FHIT: variants seen among roughly 807,000 people sequenced by gnomAD.
FHIT encodes bis(5'-adenosyl)-triphosphatase.
Under a neutral mutation model 17.9 loss-of-function variants are expected in FHIT, and 19 were observed. That is an observed-to-expected ratio of 1.06 (90% CI 0.74 to 1.56). FHIT has a LOEUF of 1.56. Ranked by LOEUF, FHIT falls within the 40% of genes most tolerant of loss-of-function variation. The pLI, the probability that FHIT is intolerant of heterozygous loss-of-function variation, is 0.00. For missense variants in FHIT, 248 were observed against 189.2 expected (o/e 1.31, Z -1.82); for synonymous variants, 81 against 69.7 (o/e 1.16, Z -0.81).
At chr3:60,465,970 T>C (rs2032767200) in intron 5 of FHIT, among the ~76,000 whole-genome samples, 1 of 152,078 alleles carries the variant, frequency 6.6e-6, no homozygotes, top group Non-Finnish European at 1.5e-5. Flanking sequence ...TGCAGATTGC[T>C]TTGGATAGAA....
At chr3:59,868,050 A>T (rs1422967237) in intron 8 of FHIT, among the ~76,000 whole-genome samples, 2 of 146,992 alleles carry the variant, frequency 1.4e-5, no homozygotes, top group African/African-American at 5.0e-5. Context: ...TTTTTTTTAA[A>T]AAAAAAAAAA....
intron 8 of FHIT, among the ~76,000 whole-genome samples, chr3:59,828,770 C>T (rs541937929): frequency 6.6e-5 from 10 of 151,898 alleles, no homozygotes; most frequent in East Asian, 1.9e-4. Context: ...TTTACAAGTA[C>T]ACAGTTTGTT....
chr3:60,166,016 A>C lies in FHIT; in HGVS notation c.104-151864T>G, dbSNP rs10049212. On this transcript the variant is annotated intron_variant, in intron 5 of 9. Coordinates refer to ENST00000492590, the MANE Select transcript of FHIT (RefSeq NM_002012.4). The stretch of plus-strand genomic sequence containing the variant: ...CTGTTCCATAAAAACTCACTTTATA[A>C]ACACAAAAGGCCAATTTTTCTCACA... 3.0e-3 allele frequency among the ~76,000 whole-genome samples: 459 copies of C among 152,240 alleles called. 1 individual carries two copies. Among genetic ancestry groups the C allele is most frequent in the African/African-American group, 9.2e-3 (383 of 41,554 alleles).
intron 4 of FHIT, among the ~76,000 whole-genome samples, chr3:60,596,845 A>C (rs2038287679): frequency 6.6e-6 from 1 of 152,166 alleles, no homozygotes; most frequent in African/African-American, 2.4e-5. Flanking sequence ...ATGAGAGTTA[A>C]ATTAAATGAA....
chr3:60,648,809 A>C (rs2039924336), intron 4 of FHIT, among the ~76,000 whole-genome samples: 1 of 152,116 alleles, frequency 6.6e-6, no homozygotes, highest in African/African-American at 2.4e-5. Context: ...CGCCTGCCTT[A>C]AGCCAGAGAC....
chr3:60,749,483 G>A lies in FHIT; in HGVS notation c.-18+72436C>T, dbSNP rs77448845. The stretch of plus-strand genomic sequence containing the variant: ...AAAGGGTGGATTCAAGCCCTACTGT[G>A]AGAGAAGACACCAACAGCCCCTAAC... On this transcript the variant is annotated intron_variant, in intron 4 of 9. Transcript: ENST00000492590. Among the ~76,000 whole-genome samples the A allele has an allele frequency of 4.0e-3, 613 of 152,248 alleles. 30 individuals carry two copies. In the East Asian group the frequency reaches 0.098, roughly 24 times the overall value.
Position 61,100,952 on chromosome 3 carries a change from G to A in FHIT, c.-163-58853C>T, listed in dbSNP as rs143490987. Among the ~76,000 whole-genome samples the A allele has an allele frequency of 4.5e-3, 689 of 152,252 alleles. 6 individuals carry two copies. The highest frequency in any genetic ancestry group is 0.016 in the African/African-American group (659 of 41,528). On this transcript the variant is annotated intron_variant, in intron 2 of 9. Transcript: ENST00000492590. ...TTGTTTGAGTTCTTTGTAGATTCTG[G>A]ATATTAGCCCTTTGTCAGATGAATA...
chr3:60,554,475 G>A (rs897375322), intron 4 of FHIT, among the ~76,000 whole-genome samples: 1 of 152,060 alleles, frequency 6.6e-6, no homozygotes, highest in African/African-American at 2.4e-5. Flanking sequence ...CATCTCCATG[G>A]ACTGTATGAA....
chr3:60,375,152 G>C (rs572151041), intron 5 of FHIT, among the ~76,000 whole-genome samples: 1 of 151,432 alleles, frequency 6.6e-6, no homozygotes, highest in African/African-American at 2.4e-5. Flanking sequence ...TTTCACGGTA[G>C]CAATTTTTAA....
At chr3:61,091,712 C>A (rs1316070761) in intron 2 of FHIT, among the ~76,000 whole-genome samples, 1 of 151,840 alleles carries the variant, frequency 6.6e-6, no homozygotes, top group African/African-American at 2.4e-5. Context: ...CTTTGGGAGG[C>A]CGAGGCAGAG....
intron 2 of FHIT, among the ~76,000 whole-genome samples, chr3:61,077,261 G>C (rs2034998555): frequency 6.6e-6 from 1 of 152,102 alleles, no homozygotes; most frequent in Non-Finnish European, 1.5e-5. Flanking sequence ...AATGTATGAA[G>C]TATATACTAG....
chr3:61,044,637 C>G (rs1418846473), intron 2 of FHIT, among the ~76,000 whole-genome samples: 1 of 152,184 alleles, frequency 6.6e-6, no homozygotes, highest in East Asian at 1.9e-4. Flanking sequence ...AGAGACGCCA[C>G]AAAGATACTC....
At chr3:60,826,152 TGGAAGGAAGGAAG>T (rs1702106443) in intron 3 of FHIT, among the ~76,000 whole-genome samples, 1 of 128,254 alleles carries the variant, frequency 7.8e-6, no homozygotes, top group South Asian at 3.0e-4. Context: ...GATGAATGGA[TGGAAGGAAGGAAG>T]GAAGGAAGGA....
At chr3:60,130,848 CAT>C (rs1699531032) in intron 5 of FHIT, among the ~76,000 whole-genome samples, 1 of 117,172 alleles carries the variant, frequency 8.5e-6, no homozygotes, top group Non-Finnish European at 1.9e-5. Flanking sequence ...CATACACATA[CAT>C]GTGTATACAT....
intron 5 of FHIT, among the ~76,000 whole-genome samples, chr3:60,131,915 T>C (rs61085940): frequency 0.11 from 16,944 of 152,126 alleles, 1,025 homozygotes; most frequent in South Asian, 0.18. Context: ...CTGAACTCCC[T>C]TCCACTGTTT....
chr3:60,715,786 A>C (rs1209314161), intron 4 of FHIT, among the ~76,000 whole-genome samples: 1 of 152,188 alleles, frequency 6.6e-6, no homozygotes, highest in East Asian at 1.9e-4. Flanking sequence ...ATAAAAAACA[A>C]AACAAAACAT....
chr3:60,966,911 A>T (rs1346351079), intron 3 of FHIT, among the ~76,000 whole-genome samples: 2 of 152,228 alleles, frequency 1.3e-5, no homozygotes, highest in African/African-American at 4.8e-5. Context: ...ACTCCAAATC[A>T]GCTGATGCTT....
intron 5 of FHIT, among the ~76,000 whole-genome samples, chr3:60,216,213 CAG>C (rs1703690755): frequency 1.3e-5 from 2 of 152,138 alleles, no homozygotes; most frequent in African/African-American, 2.4e-5. Context: ...ATTTCAAAAA[CAG>C]AGAATTTATA....
chr3:61,008,916 C>T (rs567405611), intron 3 of FHIT, among the ~76,000 whole-genome samples: 113 of 152,012 alleles, frequency 7.4e-4, no homozygotes, highest in Non-Finnish European at 1.2e-3. Flanking sequence ...TGTGTGTGTG[C>T]GGAAAACTGG....
Sources: gnomAD v4.1 joint callset for allele counts (sites outside exome capture counted in the v4.1 genomes callset) on GRCh38, gnomAD v4.1.1 for gene constraint, MANE v1.5 for transcripts, NCBI Gene and HGNC (gene_info 2026-07-23, HGNC 2026-07-21) for gene names.